The following WNK2 variants were observed in gnomAD, a reference collection of about 807,000 sequenced individuals.
The protein encoded by WNK2 is serine/threonine-protein kinase WNK2.
In WNK2, 67 loss-of-function variants were observed where a neutral mutation model predicts 192.1. The ratio of observed to expected loss-of-function variants is 0.35; its 90% CI spans 0.29 to 0.43. The LOEUF is 0.43. WNK2 is among the 20% of genes least tolerant of loss of function. WNK2 has a pLI of 1.00. For synonymous variants in WNK2, 1,439 were observed against 1,393.9 expected (o/e 1.03, Z -0.72); for missense variants, 2,698 against 3,089.7 (o/e 0.87, Z 3.01).
chr9:93,198,080 G>T (rs1251867275), intron 2 of WNK2, among the ~76,000 whole-genome samples: 1 of 152,194 alleles, frequency 6.6e-6, no homozygotes, highest in Non-Finnish European at 1.5e-5. Flanking sequence ...TGAGGTACAG[G>T]AAAATACAAG....
rs1005004940 is a variant in WNK2, at chr9:93,259,808, C to T, written c.3066+194C>T. Reference sequence around the variant, plus strand: ...AGGCATCTGCATCTCTTCCGTTTTCCGAATGGGTCAGGAGATGCAGGAGTC... The same window carrying T: ...AGGCATCTGCATCTCTTCCGTTTTCTGAATGGGTCAGGAGATGCAGGAGTC... On this transcript the variant is annotated intron_variant, in intron 12 of 29. Coordinates refer to ENST00000427277, the MANE Select transcript of WNK2 (RefSeq NM_006648.4). This position sits in a 1 kb window ranked among gnomAD's most constrained non-coding sequence, Gnocchi z 4.8. Among the ~76,000 whole-genome samples the T allele has an allele frequency of 2.0e-5, 3 of 152,210 alleles. No homozygotes were observed. The highest frequency in any genetic ancestry group is 7.2e-5 in the African/African-American group (3 of 41,464).
rs113769961 is a variant in WNK2, at chr9:93,245,511, C to T, written c.1543-2032C>T. ...GGGGCTGAGTTTGCATGTGTTTCCCCGGGGTGCACAGCTTCACCCGCCAGT... is the reference window on the plus strand; with the variant it reads ...GGGGCTGAGTTTGCATGTGTTTCCCTGGGGTGCACAGCTTCACCCGCCAGT... On this transcript the variant is annotated intron_variant, in intron 7 of 29. Coordinates refer to ENST00000427277, the MANE Select transcript of WNK2 (RefSeq NM_006648.4). Among the ~76,000 whole-genome samples the T allele has an allele frequency of 1.5e-3, 233 of 152,292 alleles. 1 individual carries two copies. Among genetic ancestry groups the T allele is most frequent in the African/African-American group, 4.4e-3 (181 of 41,544 alleles).
At chr9:93,245,642 C>T (rs1564075510) in intron 7 of WNK2, among the ~76,000 whole-genome samples, 1 of 152,224 alleles carries the variant, frequency 6.6e-6, no homozygotes, top group African/African-American at 2.4e-5. Context: ...AATGTTTGGA[C>T]ACTGTAAATA....
intron 29 of WNK2, chr9:93,318,525 A>G: frequency 6.2e-7 from 1 of 1,614,110 alleles, no homozygotes; most frequent in Non-Finnish European, 8.5e-7. Context: ...AGGTGAGCAG[A>G]CATGCCCCCC....
chr9:93,266,803 C>T (rs934613583), intron 16 of WNK2, among the ~76,000 whole-genome samples: 13 of 151,988 alleles, frequency 8.6e-5, no homozygotes, highest in African/African-American at 3.1e-4. Flanking sequence ...ATGTGCCCAT[C>T]CTAGAAGGGA....
chr9:93,280,657 G>A (rs1017775521), intron 19 of WNK2, among the ~76,000 whole-genome samples: 1 of 152,124 alleles, frequency 6.6e-6, no homozygotes, highest in African/African-American at 2.4e-5. Flanking sequence ...ATGCTTTTGT[G>A]TTAATTTCAT....
intron 19 of WNK2, among the ~76,000 whole-genome samples, chr9:93,271,080 A>G (rs1370731551): frequency 6.6e-6 from 1 of 152,206 alleles, no homozygotes; most frequent in Non-Finnish European, 1.5e-5. Context: ...GCATGCATGC[A>G]TCTGACCCTA....
rs1849056002 is a variant in WNK2, at chr9:93,289,957, T to C, written c.4867-21T>C. 1.9e-6 allele frequency: 3 copies of C among 1,554,396 alleles called. No individual in the cohort carries two copies. In the South Asian group the frequency reaches 3.6e-5, roughly 18 times the overall value. ...ACCTGTGAGTCTCACGGCTCTTCTC[T>C]TTTTGTGTTTCTTTCTCCAGGTGGA... On this transcript the variant is annotated intron_variant, in intron 20 of 29. Coordinates refer to ENST00000427277, the MANE Select transcript of WNK2 (RefSeq NM_006648.4).
chr9:93,202,325 C>CGTGTGTGTGTGTGTGTGTGTGTGT (rs761769543), intron 2 of WNK2, among the ~76,000 whole-genome samples: 5 of 130,564 alleles, frequency 3.8e-5, no homozygotes, highest in Non-Finnish European at 8.4e-5. Context: ...TCCGTGTGCA[C>CGTGTGTGTGTGTGTGTGTGTGTGT]GTGTGTGTGT....
chr9:93,297,881 A>G lies in WNK2; in HGVS notation c.5737A>G (p.Ser1913Gly). The G allele has an allele frequency of 6.3e-7, 1 of 1,590,942 alleles. No individual in the cohort carries two copies. The highest frequency in any genetic ancestry group is 2.3e-5 in the East Asian group (1 of 43,406). The change falls in exon 24 of 30, where the codon AGC becomes GGC. Residue 1913 changes from serine (S) to glycine (G), a missense_variant. Physicochemically the swap from Ser to Gly is moderately conservative, Grantham distance 56 (BLOSUM62 0). Coordinates refer to ENST00000427277, the MANE Select transcript of WNK2 (RefSeq NM_006648.4). ...CCTGAAGGAGATCTCGGAGCTGCAG[A>G]GCCAGCAGAAGCAGGAGATCGAAGC... Reference protein sequence around the residue: ...KHLKEISELQSQQKQEIEALY... With the variant: ...KHLKEISELQGQQKQEIEALY...
chr9:93,314,231 G>A (rs182143777), intron 28 of WNK2, among the ~76,000 whole-genome samples: 183 of 152,288 alleles, frequency 1.2e-3, no homozygotes, highest in African/African-American at 2.1e-3. Flanking sequence ...GCAGTGAGCC[G>A]AGATTGTGCC....
At chr9:93,204,252 G>A (rs1587852206) in intron 2 of WNK2, among the ~76,000 whole-genome samples, 1 of 152,210 alleles carries the variant, frequency 6.6e-6, no homozygotes, top group Non-Finnish European at 1.5e-5. Flanking sequence ...AGTGGGAGAA[G>A]CAGAGGCAAG....
In WNK2 at chr9:93,270,335, G is replaced by A. The variant is rs189962361; in HGVS notation, c.4033+1589G>A. ...TCACATGACTTGTATGACCAATTTT[G>A]TGAATACAATATCTGGCACATAATA... On this transcript the variant is annotated intron_variant, in intron 19 of 29. Coordinates refer to ENST00000427277, the MANE Select transcript of WNK2 (RefSeq NM_006648.4). Among the ~76,000 whole-genome samples, 146 of 152,348 alleles carry A rather than the reference G, an allele frequency of 9.6e-4. 1 individual carries two copies. The highest frequency in any genetic ancestry group is 3.4e-3 in the Middle Eastern group (1 of 294).
At chr9:93,298,863 G>A (rs755961635) in intron 24 of WNK2, among the ~76,000 whole-genome samples, 1 of 152,216 alleles carries the variant, frequency 6.6e-6, no homozygotes, top group Non-Finnish European at 1.5e-5. Context: ...AGTCCAGCAC[G>A]GCAGTGGGGG....
chr9:93,281,393 A>G (rs1236078285), intron 19 of WNK2, among the ~76,000 whole-genome samples: 2 of 152,184 alleles, frequency 1.3e-5, no homozygotes, highest in Non-Finnish European at 2.9e-5. Flanking sequence ...GCTAAATGGA[A>G]GTTGTAGAAC....
intron 7 of WNK2, among the ~76,000 whole-genome samples, chr9:93,242,170 G>A (rs1306021848): frequency 2.6e-5 from 4 of 152,168 alleles, no homozygotes; most frequent in Admixed American, 2.6e-4. Context: ...AGTGAGGATG[G>A]CTACAGCTCC....
At position 93,214,911 on chromosome 9, in the gene WNK2, C is replaced by CTT. The variant is rs201236490; in HGVS notation, c.682-14784_682-14783dup. Among the ~76,000 whole-genome samples, 926 of 151,660 alleles carry CTT rather than the reference C, an allele frequency of 6.1e-3. 12 individuals carry two copies. Among genetic ancestry groups the CTT allele is most frequent in the African/African-American group, 0.021 (881 of 41,288 alleles). ...ATTATTATTATTTTAGAGATGAGGC[C>CTT]TTGCTCTGTCACCCAGGCTGGAGTG... On this transcript the variant is annotated intron_variant, in intron 2 of 29. Transcript: ENST00000427277.
intron 2 of WNK2, among the ~76,000 whole-genome samples, chr9:93,198,800 C>G (rs1276896938): frequency 6.6e-6 from 1 of 152,230 alleles, no homozygotes; most frequent in East Asian, 1.9e-4. Flanking sequence ...CACTCCCTGC[C>G]CAGCTCTGGC....
chr9:93,261,273 G>C (rs1263086649), intron 12 of WNK2, among the ~76,000 whole-genome samples: 1 of 152,226 alleles, frequency 6.6e-6, no homozygotes, highest in Non-Finnish European at 1.5e-5. Flanking sequence ...AGAAGACAGA[G>C]GGTACTTGCA....
Sources: gnomAD v4.1 joint callset for allele counts (sites outside exome capture counted in the v4.1 genomes callset) on GRCh38, gnomAD v4.1.1 for gene constraint, Gnocchi (gnomAD v3.1) non-coding constraint, MANE v1.5 for transcripts, NCBI Gene and HGNC (gene_info 2026-07-23, HGNC 2026-07-21) for gene names.